PPP2R2B: variants seen among roughly 807,000 people sequenced by gnomAD.
The protein encoded by PPP2R2B is protein phosphatase 2 regulatory subunit Bbeta.
A neutral mutation model predicts 46.0 loss-of-function variants in PPP2R2B; 5 were observed. That is an observed-to-expected ratio of 0.11 (90% CI 0.06 to 0.23). The LOEUF is 0.23. PPP2R2B is among the 10% of genes least tolerant of loss of function. The pLI, the probability that PPP2R2B is intolerant of heterozygous loss-of-function variation, is 1.00. For missense variants in PPP2R2B, 367 were observed against 575.0 expected (o/e 0.64, Z 3.70); for synonymous variants, 215 against 206.7 (o/e 1.04, Z -0.34).
At chr5:146,721,955 G>A (rs1251843961) in intron 2 of PPP2R2B, among the ~76,000 whole-genome samples, 2 of 152,202 alleles carry the variant, frequency 1.3e-5, no homozygotes, top group Non-Finnish European at 2.9e-5. Flanking sequence ...TACCCACACA[G>A]CAGGCTCTGT....
At chr5:147,055,807 C>T (rs11741933) in exon 1 of PPP2R2B, 205 of 1,546,264 alleles carry the variant, frequency 1.3e-4, no homozygotes, top group Middle Eastern at 1.0e-3. Context: ...AGGATTCTCT[C>T]GGCCTTTTAA....
At chr5:146,622,071 G>A (rs1773742060) in intron 7 of PPP2R2B, among the ~76,000 whole-genome samples, 1 of 152,254 alleles carries the variant, frequency 6.6e-6, no homozygotes, top group South Asian at 2.1e-4. Flanking sequence ...TGGCTTCCCT[G>A]GCTACCTCTC....
intron 1 of PPP2R2B, among the ~76,000 whole-genome samples, chr5:146,988,710 G>C (rs1753548402): frequency 6.6e-6 from 1 of 151,366 alleles, no homozygotes; most frequent in Non-Finnish European, 1.5e-5. Flanking sequence ...CAAGGAACTA[G>C]AAAAATAAGA....
intron 7 of PPP2R2B, among the ~76,000 whole-genome samples, chr5:146,601,361 C>T (rs77084424): frequency 0.023 from 3,558 of 152,086 alleles, 113 homozygotes; most frequent in African/African-American, 0.071. Flanking sequence ...CTTTGGGAGG[C>T]CTAGGCGGGA....
intron 2 of PPP2R2B, among the ~76,000 whole-genome samples, chr5:146,732,390 G>A (rs1048920886): frequency 3.3e-5 from 5 of 152,086 alleles, no homozygotes; most frequent in Admixed American, 2.0e-4. Context: ...CAGAAACTAC[G>A]GTTTTTCCAC....
intron 2 of PPP2R2B, among the ~76,000 whole-genome samples, chr5:146,794,877 C>T (rs539250265): frequency 3.3e-5 from 5 of 152,078 alleles, no homozygotes; most frequent in Non-Finnish European, 5.9e-5. Context: ...TTATTGGTTC[C>T]ACTGGGAGGC....
intron 2 of PPP2R2B, among the ~76,000 whole-genome samples, chr5:146,804,640 G>A (rs575400239): frequency 2.0e-5 from 3 of 152,178 alleles, no homozygotes; most frequent in Admixed American, 6.5e-5. Flanking sequence ...GAAGCAATGA[G>A]GAGTCCCTTA....
At chr5:147,078,841 AC>A (rs1757881366) in intron 2 of PPP2R2B, among the ~76,000 whole-genome samples, 1 of 151,222 alleles carries the variant, frequency 6.6e-6, no homozygotes, top group Admixed American at 6.6e-5. Flanking sequence ...TATCACCCTG[AC>A]CCTTGAAACT....
chr5:146,863,874 A>T (rs143639798), intron 2 of PPP2R2B, among the ~76,000 whole-genome samples: 10 of 152,284 alleles, frequency 6.6e-5, no homozygotes, highest in African/African-American at 2.4e-4. Flanking sequence ...CCCAACTGTA[A>T]CCCCCAAAGA....
intron 1 of PPP2R2B, among the ~76,000 whole-genome samples, chr5:147,006,615 G>A (rs1358667276): frequency 6.6e-6 from 1 of 152,060 alleles, no homozygotes; most frequent in Non-Finnish European, 1.5e-5. Context: ...CACTCTCAGA[G>A]GATTTCTCAG....
chr5:146,971,781 G>A (rs1322525534), intron 1 of PPP2R2B, among the ~76,000 whole-genome samples: 1 of 151,982 alleles, frequency 6.6e-6, no homozygotes, highest in Admixed American at 6.6e-5. Flanking sequence ...GGTACCTATA[G>A]GTAAAAATTA....
chr5:146,915,865 C>A (rs1763368209), intron 1 of PPP2R2B, among the ~76,000 whole-genome samples: 1 of 152,182 alleles, frequency 6.6e-6, no homozygotes, highest in Non-Finnish European at 1.5e-5. Context: ...AACACTGTTA[C>A]AACATCTTTG....
At chr5:147,011,297 A>T (rs1051866142) in intron 1 of PPP2R2B, among the ~76,000 whole-genome samples, 1 of 150,806 alleles carries the variant, frequency 6.6e-6, no homozygotes, top group African/African-American at 2.5e-5. Flanking sequence ...AAAATTATAA[A>T]TGCCCCCCCC....
In PPP2R2B at chr5:146,589,368, G is replaced by T. The variant is rs1770368312; in HGVS notation, c.*579C>A. Reference sequence around the variant, plus strand: ...TGATGTGCCCTTTCCTTGTCATTCTGCATCCTCTTCTCAGCTTCATGCAAT... The same window carrying T: ...TGATGTGCCCTTTCCTTGTCATTCTTCATCCTCTTCTCAGCTTCATGCAAT... On this transcript the variant is annotated 3_prime_UTR_variant, in exon 10 of 10. Transcript: ENST00000394411. 6.5e-6 allele frequency: 1 copy of T among 153,048 alleles called. No individual in the cohort carries two copies. The highest frequency in any genetic ancestry group is 1.9e-4 in the East Asian group (1 of 5,198). 9.5% of individuals were successfully genotyped at this position (153,048 alleles called of 1,614,324 possible). A position where few individuals can be genotyped will look rare whatever the true frequency, so the allele number is the denominator to read the frequency against.
At chr5:146,997,027 T>C (rs1006655066) in intron 1 of PPP2R2B, among the ~76,000 whole-genome samples, 1 of 152,176 alleles carries the variant, frequency 6.6e-6, no homozygotes, top group Non-Finnish European at 1.5e-5. Flanking sequence ...CCTTTTAAAA[T>C]TGGAAGACTC....
At chr5:146,664,540 C>T (rs1181778436) in intron 5 of PPP2R2B, among the ~76,000 whole-genome samples, 1 of 151,484 alleles carries the variant, frequency 6.6e-6, no homozygotes, top group African/African-American at 2.4e-5. Context: ...TCTATTTCCA[C>T]CACAACTGCA....
chr5:146,987,291 A>G (rs1238263438), intron 1 of PPP2R2B, among the ~76,000 whole-genome samples: 1 of 152,104 alleles, frequency 6.6e-6, no homozygotes, highest in African/African-American at 2.4e-5. Context: ...ACACATGTGC[A>G]ACAAGACACA....
At chr5:146,977,448 C>T (rs1752970491) in intron 1 of PPP2R2B, among the ~76,000 whole-genome samples, 1 of 152,004 alleles carries the variant, frequency 6.6e-6, no homozygotes. Context: ...CGTAGGTATA[C>T]ACGTGCCATT....
chr5:146,658,383 C>T (rs891767870), intron 5 of PPP2R2B, among the ~76,000 whole-genome samples: 7 of 152,168 alleles, frequency 4.6e-5, no homozygotes, highest in Middle Eastern at 3.2e-3. Flanking sequence ...AAACAGCCTT[C>T]ATGACTTTTT....
Sources: gnomAD v4.1 joint callset for allele counts (sites outside exome capture counted in the v4.1 genomes callset) on GRCh38, gnomAD v4.1.1 for gene constraint, MANE v1.5 for transcripts, NCBI Gene and HGNC (gene_info 2026-07-23, HGNC 2026-07-21) for gene names.